The following NAALADL2 variants were observed in gnomAD, a reference collection of about 807,000 sequenced individuals.
NAALADL2 encodes the protein N-acetylated alpha-linked acidic dipeptidase like 2.
A neutral mutation model predicts 87.2 loss-of-function variants in NAALADL2; 76 were observed. The observed-to-expected ratio is 0.87, with a 90% CI of 0.72 to 1.05. The LOEUF (loss-of-function observed/expected upper bound fraction) is 1.05, where lower values mean the gene tolerates loss of function less well. Among genes scored for constraint, NAALADL2 ranks in the 50% least tolerant of loss-of-function variants. NAALADL2 has a pLI of 0.00. For missense variants in NAALADL2, 1,089 were observed against 945.8 expected (o/e 1.15, Z -1.99); for synonymous variants, 354 against 331.0 (o/e 1.07, Z -0.75).
chr3:175,181,447 C>G (rs559986353), intron 2 of NAALADL2, among the ~76,000 whole-genome samples: 1 of 151,694 alleles, frequency 6.6e-6, no homozygotes, highest in South Asian at 2.1e-4. Context: ...AAACTTTGCA[C>G]CCTTTGATCG....
At chr3:175,158,299 A>G (rs1259050674) in intron 2 of NAALADL2, among the ~76,000 whole-genome samples, 1 of 152,086 alleles carries the variant, frequency 6.6e-6, no homozygotes, top group Non-Finnish European at 1.5e-5. Flanking sequence ...TTTCAAAATA[A>G]GACAATTTTC....
At chr3:175,519,336 G>A (rs1191150526) in intron 9 of NAALADL2, among the ~76,000 whole-genome samples, 2 of 152,228 alleles carry the variant, frequency 1.3e-5, no homozygotes, top group African/African-American at 4.8e-5. Context: ...AGGGGAGAAT[G>A]GGACTGAGAC....
At chr3:175,216,495 A>G (rs1742536968) in intron 2 of NAALADL2, among the ~76,000 whole-genome samples, 1 of 152,102 alleles carries the variant, frequency 6.6e-6, no homozygotes, top group South Asian at 2.1e-4. Context: ...ATAACTAAAA[A>G]GCCTACTCAG....
intron 11 of NAALADL2, among the ~76,000 whole-genome samples, chr3:175,629,001 T>C (rs999989288): frequency 2.6e-5 from 4 of 150,980 alleles, no homozygotes; most frequent in Admixed American, 2.0e-4. Flanking sequence ...CCCAGTTCTT[T>C]ATTTAGCTTT....
intron 9 of NAALADL2, among the ~76,000 whole-genome samples, chr3:175,552,675 A>G (rs145494372): frequency 6.6e-6 from 1 of 152,262 alleles, no homozygotes; most frequent in Non-Finnish European, 1.5e-5. Flanking sequence ...GATGTGAAGC[A>G]TGTATTAAAC....
chr3:175,171,456 T>C (rs1248587306), intron 2 of NAALADL2, among the ~76,000 whole-genome samples: 2 of 152,134 alleles, frequency 1.3e-5, no homozygotes, highest in Non-Finnish European at 2.9e-5. Flanking sequence ...TATATTCCTG[T>C]ACTTCAGTCA....
intron 2 of NAALADL2, among the ~76,000 whole-genome samples, chr3:175,178,588 A>G (rs1157099025): frequency 6.6e-6 from 1 of 152,038 alleles, no homozygotes; most frequent in Non-Finnish European, 1.5e-5. Flanking sequence ...AGTGCTTTAA[A>G]TCAGTGATCC....
intron 2 of NAALADL2, among the ~76,000 whole-genome samples, chr3:175,135,730 A>G (rs1202256972): frequency 1.3e-5 from 2 of 152,184 alleles, no homozygotes; most frequent in African/African-American, 4.8e-5. Context: ...TGGAGGATAG[A>G]TAAAACTAAT....
At chr3:175,547,429 A>T (rs150149589) in intron 9 of NAALADL2, among the ~76,000 whole-genome samples, 39 of 152,288 alleles carry the variant, frequency 2.6e-4, no homozygotes, top group African/African-American at 8.4e-4. Context: ...AAAGGCTAAA[A>T]TGTGAAACCC....
intron 9 of NAALADL2, among the ~76,000 whole-genome samples, chr3:175,569,926 G>A (rs1717784996): frequency 6.6e-6 from 1 of 151,708 alleles, no homozygotes; most frequent in African/African-American, 2.4e-5. Flanking sequence ...GTGTGTGTGT[G>A]TGTGTATTTG....
chr3:175,799,143 G>A (rs537922472), intron 13 of NAALADL2, among the ~76,000 whole-genome samples: 20 of 152,006 alleles, frequency 1.3e-4, no homozygotes, highest in South Asian at 1.2e-3. Flanking sequence ...TAAAAATATC[G>A]ATTGTACTCT....
intron 4 of NAALADL2, among the ~76,000 whole-genome samples, chr3:175,260,515 C>T (rs1750852764): frequency 6.6e-6 from 1 of 152,042 alleles, no homozygotes; most frequent in Admixed American, 6.6e-5. Flanking sequence ...TGATTACGGC[C>T]CAATTTGCTT....
In NAALADL2 at chr3:175,062,891, C is replaced by A. The variant is rs190716506; in HGVS notation, c.44-33899C>A. On this transcript the variant is annotated intron_variant, in intron 1 of 13. Coordinates refer to ENST00000454872, the MANE Select transcript of NAALADL2 (RefSeq NM_207015.3). ...TGCAAGGGAAATCATACTTGGATTTCAATATATTAAACTCCCCTTCCTATT... is the reference window on the plus strand; with the variant it reads ...TGCAAGGGAAATCATACTTGGATTTAAATATATTAAACTCCCCTTCCTATT... 2.2e-4 allele frequency among the ~76,000 whole-genome samples: 33 copies of A among 152,156 alleles called. No individual in the cohort carries two copies. In the East Asian group the frequency reaches 6.2e-3, roughly 29 times the overall value.
In NAALADL2 at chr3:174,903,334, A is replaced by G. The variant is rs139914980; in HGVS notation, c.43+43884A>G. 9.1e-3 allele frequency among the ~76,000 whole-genome samples: 1,388 copies of G among 152,192 alleles called. 10 individuals are homozygous for G. The highest frequency in any genetic ancestry group is 0.029 in the South Asian group (141 of 4,826). Reference sequence around the variant, plus strand: ...AATCTGTAGTGTTTTAAAGTGTTCAAAATGCTTGTATGCACATTACCTCAC... The same window carrying G: ...AATCTGTAGTGTTTTAAAGTGTTCAGAATGCTTGTATGCACATTACCTCAC... On this transcript the variant is annotated intron_variant, in intron 1 of 13. Coordinates refer to ENST00000454872, the MANE Select transcript of NAALADL2 (RefSeq NM_207015.3).
chr3:175,622,345 C>T (rs1033491712), intron 10 of NAALADL2, among the ~76,000 whole-genome samples: 2 of 152,054 alleles, frequency 1.3e-5, no homozygotes, highest in Non-Finnish European at 2.9e-5. Context: ...CGTAAAACAG[C>T]TCAACTATCA....
chr3:175,306,293 A>C (rs962606173), intron 4 of NAALADL2, among the ~76,000 whole-genome samples: 3 of 152,138 alleles, frequency 2.0e-5, no homozygotes, highest in Non-Finnish European at 4.4e-5. Flanking sequence ...CCTTTTTCAA[A>C]GTATTATTTT....
At chr3:175,242,797 T>C (rs187042506) in intron 3 of NAALADL2, among the ~76,000 whole-genome samples, 58 of 152,330 alleles carry the variant, frequency 3.8e-4, no homozygotes, top group African/African-American at 1.3e-3. Context: ...CCCTGCTGCA[T>C]GCAGCTGGCA....
chr3:174,927,618 T>C (rs1736271111), intron 1 of NAALADL2, among the ~76,000 whole-genome samples: 1 of 152,052 alleles, frequency 6.6e-6, no homozygotes, highest in Admixed American at 6.6e-5. Context: ...ACTGGGTACA[T>C]AACGAAATGA....
At chr3:174,512,637 C>A (rs1719671988) in intron 1 of NAALADL2, among the ~76,000 whole-genome samples, 1 of 152,210 alleles carries the variant, frequency 6.6e-6, no homozygotes, top group Admixed American at 6.5e-5. Context: ...AGTATTGTTT[C>A]CCACAAATTT....
Sources: gnomAD v4.1 joint callset for allele counts (sites outside exome capture counted in the v4.1 genomes callset) on GRCh38, gnomAD v4.1.1 for gene constraint, MANE v1.5 for transcripts, NCBI Gene and HGNC (gene_info 2026-07-23, HGNC 2026-07-21) for gene names.